Variants in RNF130 observed in about 807,000 individuals in gnomAD.
The protein encoded by RNF130 is ring finger protein 130.
Under a neutral mutation model 44.6 loss-of-function variants are expected in RNF130, and 21 were observed. The ratio of observed to expected loss-of-function variants is 0.47; its 90% CI spans 0.33 to 0.68. The LOEUF (loss-of-function observed/expected upper bound fraction) is 0.68. Ranked by LOEUF, RNF130 falls within the 30% of genes least tolerant of loss-of-function variation. RNF130 has a pLI of 0.02. For missense variants in RNF130, 479 were observed against 560.6 expected, an observed-to-expected ratio of 0.85 and a Z score of 1.47; for synonymous variants, 214 against 210.4, an observed-to-expected ratio of 1.02 and a Z score of -0.15.
At chr5:180,046,098 C>G (rs568127902) in intron 1 of RNF130, among the ~76,000 whole-genome samples, 1 of 152,306 alleles carries the variant, frequency 6.6e-6, no homozygotes, top group Non-Finnish European at 1.5e-5. Context: ...ATCTGAGGCC[C>G]CACGAGAATC....
chr5:180,034,706 A>G (rs1156977118), intron 2 of RNF130, among the ~76,000 whole-genome samples: 3 of 152,206 alleles, frequency 2.0e-5, no homozygotes, highest in Admixed American at 6.5e-5. Flanking sequence ...GCATCTGGGA[A>G]CATGGGTTTG....
At chr5:179,995,879 T>G (rs1763187183) in intron 3 of RNF130, among the ~76,000 whole-genome samples, 1 of 152,246 alleles carries the variant, frequency 6.6e-6, no homozygotes, top group African/African-American at 2.4e-5. Context: ...AAGTTAATGA[T>G]GTGACTATCT....
chr5:179,924,824 G>C (rs1346845767), intron 7 of RNF130, among the ~76,000 whole-genome samples: 2 of 151,906 alleles, frequency 1.3e-5, no homozygotes, highest in African/African-American at 4.8e-5. Flanking sequence ...TTTAAAATGG[G>C]ATCAATTCAA....
At chr5:180,067,876 T>C (rs1031911556) in intron 1 of RNF130, among the ~76,000 whole-genome samples, 8 of 152,210 alleles carry the variant, frequency 5.3e-5, no homozygotes, top group African/African-American at 1.9e-4. Flanking sequence ...CCACTGTTCA[T>C]GAGAATTTCT....
intron 3 of RNF130, among the ~76,000 whole-genome samples, chr5:179,999,817 C>A (rs1763292959): frequency 6.6e-6 from 1 of 152,174 alleles, no homozygotes; most frequent in Non-Finnish European, 1.5e-5. Context: ...CAGTTTATGT[C>A]TTTTAAGTGG....
In RNF130 at chr5:180,042,175, T is replaced by C. The variant is rs116224699; in HGVS notation, c.248-1528A>G. The stretch of plus-strand genomic sequence containing the variant: ...AAACTAAATGCTTACACGACTTAAA[T>C]TGTAAAATGTAAAGATGCCAGTAAC... On this transcript the variant is annotated intron_variant, in intron 1 of 8. Transcript: ENST00000521389. Among the ~76,000 whole-genome samples, 474 of 152,310 alleles carry C rather than the reference T, an allele frequency of 3.1e-3. 3 individuals carry two copies. The highest frequency in any genetic ancestry group is 0.011 in the African/African-American group (467 of 41,572).
chr5:180,003,209 T>G (rs1374584657), intron 3 of RNF130, among the ~76,000 whole-genome samples: 1 of 151,880 alleles, frequency 6.6e-6, no homozygotes. Context: ...ATGACTGACA[T>G]GGAGGCACGA....
intron 2 of RNF130, among the ~76,000 whole-genome samples, chr5:180,028,546 C>T (rs1764046065): frequency 1.0e-5 from 1 of 100,422 alleles, no homozygotes; most frequent in Non-Finnish European, 2.0e-5. Context: ...TACATGAAGT[C>T]TTCCAGACCT....
At chr5:179,951,514 G>C (rs1202950611), downstream of RNF130, among the ~76,000 whole-genome samples, 1 of 152,088 alleles carries the variant, frequency 6.6e-6, no homozygotes, top group East Asian at 1.9e-4. Flanking sequence ...CTCCCGAGTA[G>C]CTGGGACTAC....
rs118077410 is a variant in RNF130, at chr5:179,930,464, T to C, written c.1151-10038A>G. On this transcript the variant is annotated intron_variant, in intron 7 of 7. Transcript: ENST00000522208. ...GATTTGTAGAATATATTGAATTTTCTACATGTAATCGTTTTCTCTGTGAAG... is the reference window on the plus strand; with the variant it reads ...GATTTGTAGAATATATTGAATTTTCCACATGTAATCGTTTTCTCTGTGAAG... Among the ~76,000 whole-genome samples, 780 of 152,384 alleles carry C rather than the reference T, an allele frequency of 5.1e-3. 18 individuals are homozygous for C. Among genetic ancestry groups the C allele is most frequent in the Admixed American group, 0.038 (582 of 15,304 alleles).
intron 3 of RNF130, among the ~76,000 whole-genome samples, chr5:179,990,981 G>A (rs1402207295): frequency 2.6e-5 from 4 of 152,036 alleles, no homozygotes; most frequent in African/African-American, 4.8e-5. Flanking sequence ...TCGTGCCCTC[G>A]GTCTCTTGCC....
intron 1 of RNF130, among the ~76,000 whole-genome samples, chr5:180,053,590 C>G (rs576730755): frequency 1.3e-5 from 2 of 152,088 alleles, no homozygotes; most frequent in Non-Finnish European, 2.9e-5. Context: ...ATGATAGGAA[C>G]AAGCAAAGCT....
chr5:179,994,625 T>C (rs1362040214), intron 3 of RNF130, among the ~76,000 whole-genome samples: 4 of 152,178 alleles, frequency 2.6e-5, no homozygotes, highest in African/African-American at 9.7e-5. Context: ...GTGTGGTGGC[T>C]TTCTCAAATG....
At chr5:180,032,770 T>A (rs965032663) in intron 2 of RNF130, among the ~76,000 whole-genome samples, 1 of 152,240 alleles carries the variant, frequency 6.6e-6, no homozygotes, top group African/African-American at 2.4e-5. Context: ...TCTAATGCTG[T>A]GCTTTTTCCA....
intron 2 of RNF130, among the ~76,000 whole-genome samples, chr5:180,025,587 A>C (rs534319290): frequency 6.6e-6 from 1 of 152,222 alleles, no homozygotes; most frequent in Non-Finnish European, 1.5e-5. Context: ...TATTTTTTTA[A>C]AGCTACTGCT....
At chr5:180,027,830 A>T (rs1391051954) in intron 2 of RNF130, among the ~76,000 whole-genome samples, 1 of 152,166 alleles carries the variant, frequency 6.6e-6, no homozygotes, top group Non-Finnish European at 1.5e-5. Context: ...GCTGCTTGAG[A>T]CAGCTGCCAT....
intron 7 of RNF130, among the ~76,000 whole-genome samples, chr5:179,946,210 A>G (rs980000565): frequency 6.6e-6 from 1 of 152,230 alleles, no homozygotes; most frequent in Non-Finnish European, 1.5e-5. Flanking sequence ...GGATCTGAAA[A>G]GCAAGCAAGC....
exon 8 of RNF130, chr5:179,920,236 C>A: frequency 1.5e-6 from 1 of 652,094 alleles, no homozygotes. Flanking sequence ...CGGATGCTGA[C>A]AGGAGAATAC....
At chr5:179,998,394 T>C (rs533599051) in intron 3 of RNF130, among the ~76,000 whole-genome samples, 3 of 152,366 alleles carry the variant, frequency 2.0e-5, no homozygotes, top group East Asian at 3.9e-4. Flanking sequence ...CAAAAGTTTC[T>C]ATTGTTACTG....
Sources: gnomAD v4.1 joint callset for allele counts (sites outside exome capture counted in the v4.1 genomes callset) on GRCh38, gnomAD v4.1.1 for gene constraint, MANE v1.5 for transcripts, NCBI Gene and HGNC (gene_info 2026-07-23, HGNC 2026-07-21) for gene names.